The following ENTPD1 variants were observed in gnomAD, a reference collection of about 807,000 sequenced individuals.
The protein encoded by ENTPD1 is ATP diphosphohydrolase.
Under a neutral mutation model 57.0 loss-of-function variants are expected in ENTPD1, and 33 were observed. That is an observed-to-expected ratio of 0.58 (90% confidence interval 0.44 to 0.77). The LOEUF is 0.77. Among genes scored for constraint, ENTPD1 ranks in the 30% least tolerant of loss-of-function variants. The pLI is 0.00. For missense variants in ENTPD1, 501 were observed against 603.4 expected, an observed-to-expected ratio of 0.83 and a Z score of 1.78; for synonymous variants, 202 against 218.8, an observed-to-expected ratio of 0.92 and a Z score of 0.68.
At chr10:95,856,198 T>C (rs1200028716) in intron 7 of ENTPD1, among the ~76,000 whole-genome samples, 1 of 152,114 alleles carries the variant, frequency 6.6e-6, no homozygotes, top group Admixed American at 6.6e-5. Flanking sequence ...CGCTAGACCA[T>C]TCTTAAAAGA....
chr10:95,756,922 T>A (rs934809012), intron 1 of ENTPD1, among the ~76,000 whole-genome samples: 2 of 152,178 alleles, frequency 1.3e-5, no homozygotes, highest in African/African-American at 4.8e-5. Context: ...ACATTTAGAT[T>A]TTGTCTAAAA....
chr10:95,809,563 C>T (rs2098290784), intron 1 of ENTPD1, among the ~76,000 whole-genome samples: 1 of 122,514 alleles, frequency 8.2e-6, no homozygotes, highest in Non-Finnish European at 1.7e-5. Context: ...GGGGCGGATG[C>T]TGGGCAGAGG....
At chr10:95,830,147 A>T (rs1291994265) in intron 2 of ENTPD1, among the ~76,000 whole-genome samples, 2 of 152,232 alleles carry the variant, frequency 1.3e-5, no homozygotes, top group African/African-American at 4.8e-5. Flanking sequence ...ATAGCAACAG[A>T]GAATGGACTA....
Position 95,731,803 on chromosome 10 carries a change from G to A in ENTPD1, c.37+19810G>A, listed in dbSNP as rs1243470172. Among the ~76,000 whole-genome samples the A allele has an allele frequency of 1.9e-3, 28 of 14,376 alleles. 1 individual carries two copies. Among genetic ancestry groups the A allele is most frequent in the South Asian group, 0.019 (10 of 526 alleles). The allele number at this position is 14,376 out of a possible 152,430, so 9.4% of individuals were successfully genotyped here. ...ATCCTTTTTTTTTTTTTTTTTTTTT[G>A]ACAGAGTCTTGCTCTGTCGCCCAGG... is the stretch of plus-strand genomic sequence containing the variant. On this transcript the variant is annotated intron_variant, in intron 1 of 9. Transcript: ENST00000453258.
At chr10:95,763,520 G>T (rs768841595) in intron 1 of ENTPD1, among the ~76,000 whole-genome samples, 18 of 152,256 alleles carry the variant, frequency 1.2e-4, no homozygotes, top group Middle Eastern at 3.4e-3. Context: ...TATGTTTTTA[G>T]GATATAAAAT....
chr10:95,834,922 CA>C (rs61032051), intron 2 of ENTPD1, among the ~76,000 whole-genome samples: 40,230 of 142,562 alleles, frequency 0.28, 6,101 homozygotes, highest in Admixed American at 0.4. Context: ...GACTCCGTCT[CA>C]AAAAAAAAAA....
Position 95,873,093 on chromosome 10 carries a change from G to T in ENTPD1, c.*6710G>T. On this transcript the variant is annotated 3_prime_UTR_variant, in exon 10 of 10. Coordinates refer to ENST00000371205, the MANE Select transcript of ENTPD1 (RefSeq NM_001776.6). ...TTAATATAAATAATTCAGTAGGTCT[G>T]GGGTGAGGCCTGAGGTTTTACATTT... is the stretch of plus-strand genomic sequence containing the variant. 1.1e-6 allele frequency: 1 copy of T among 928,850 alleles called. No homozygotes were observed. Among genetic ancestry groups the T allele is most frequent in the Non-Finnish European group, 1.3e-6 (1 of 778,478 alleles). The allele number at this position is 928,850 out of a possible 1,614,324, so 57.5% of individuals were successfully genotyped here.
Position 95,870,919 on chromosome 10 carries a change from C to CA in ENTPD1, c.*4537dup, listed in dbSNP as rs2098479700. 1 of 985,270 alleles carries CA rather than the reference C, an allele frequency of 1.0e-6. No homozygotes were observed. The allele number at this position is 985,270 out of a possible 1,614,324, so 61.0% of individuals were successfully genotyped here. On this transcript the variant is annotated 3_prime_UTR_variant, in exon 10 of 10. Transcript: ENST00000371205. The stretch of plus-strand genomic sequence containing the variant: ...GCAAGCCAGCTGGGCAGCTCTACTT[C>CA]AGGTGGTAAGGGTGGATCAGACCTA...
the ENTPD1 span, among the ~76,000 whole-genome samples, chr10:95,699,736 A>G: frequency 1.3e-5 from 2 of 152,218 alleles, no homozygotes; most frequent in African/African-American, 4.8e-5. Context: ...AAGACTTAAA[A>G]GGGTATATAT....
chr10:95,726,799 T>G (rs2097984128), intron 1 of ENTPD1, among the ~76,000 whole-genome samples: 1 of 152,158 alleles, frequency 6.6e-6, no homozygotes, highest in African/African-American at 2.4e-5. Context: ...TTCTTGAATT[T>G]TTAGGTGTTT....
At position 95,873,349 on chromosome 10, in the gene ENTPD1, T is replaced by C; in HGVS notation, c.*6966T>C. On this transcript the variant is annotated 3_prime_UTR_variant, in exon 10 of 10. Transcript: ENST00000371205. ...TACAACAATCCAAGTGTTTCTTTTG[T>C]CAGTTGTCTGTGCCCCAGGAGATCC... 1 of 985,566 alleles carries C rather than the reference T, an allele frequency of 1.0e-6. No individual in the cohort carries two copies. The highest frequency in any genetic ancestry group is 1.2e-6 in the Non-Finnish European group (1 of 830,008). The allele number at this position is 985,566 out of a possible 1,614,324, so 61.1% of individuals were successfully genotyped here. A position where few individuals can be genotyped will look rare whatever the true frequency, so the allele number is the denominator to read the frequency against.
the ENTPD1 span, among the ~76,000 whole-genome samples, chr10:95,694,686 G>A: frequency 6.6e-6 from 1 of 151,798 alleles, no homozygotes; most frequent in African/African-American, 2.4e-5. Flanking sequence ...TTTTTTCCCC[G>A]TGTTAATGGC....
chr10:95,710,961 A>G (rs545625603), upstream of ENTPD1, among the ~76,000 whole-genome samples: 141 of 152,164 alleles, frequency 9.3e-4, no homozygotes, highest in African/African-American at 3.2e-3. Context: ...GATCCCAGAA[A>G]ATGGTAGCCA....
Position 95,851,915 on chromosome 10 carries a change from C to T in ENTPD1, c.1074+4209C>T, listed in dbSNP as rs2098445958. ...ACGTGTGCATGTGTCTTTATAGCAGCATGATTTATAATCCTTTGGGTATAT... is the reference window on the plus strand; with the variant it reads ...ACGTGTGCATGTGTCTTTATAGCAGTATGATTTATAATCCTTTGGGTATAT... On this transcript the variant is annotated intron_variant, in intron 7 of 9. Coordinates refer to ENST00000371205, the MANE Select transcript of ENTPD1 (RefSeq NM_001776.6). Among the ~76,000 whole-genome samples the T allele has an allele frequency of 2.0e-5, 3 of 152,098 alleles. No homozygotes were observed. In the South Asian group the frequency reaches 6.2e-4, roughly 32 times the overall value.
At chr10:95,763,680 C>T (rs894518435) in intron 1 of ENTPD1, among the ~76,000 whole-genome samples, 4 of 151,670 alleles carry the variant, frequency 2.6e-5, no homozygotes, top group African/African-American at 7.3e-5. Context: ...ACTTCCAGAA[C>T]TGTAAGAGAA....
intron 1 of ENTPD1, among the ~76,000 whole-genome samples, chr10:95,801,642 T>G (rs1308587493): frequency 6.6e-6 from 1 of 152,090 alleles, no homozygotes; most frequent in South Asian, 2.1e-4. Flanking sequence ...TCTCTGCTTA[T>G]TGTAACCTCT....
At chr10:95,701,802 A>G in the ENTPD1 span, among the ~76,000 whole-genome samples, 2 of 152,110 alleles carry the variant, frequency 1.3e-5, no homozygotes, top group African/African-American at 4.8e-5. Flanking sequence ...CTTGGAAATT[A>G]AGGGAAAAAA....
At chr10:95,832,943 T>C (rs957519773) in intron 2 of ENTPD1, among the ~76,000 whole-genome samples, 2 of 152,228 alleles carry the variant, frequency 1.3e-5, no homozygotes, top group African/African-American at 4.8e-5. Flanking sequence ...TAGCTATTAG[T>C]GTATTATGGT....
chr10:95,741,433 TAAG>T (rs2098000199), intron 1 of ENTPD1, among the ~76,000 whole-genome samples: 1 of 152,180 alleles, frequency 6.6e-6, no homozygotes, highest in Non-Finnish European at 1.5e-5. Flanking sequence ...CAGATCATCA[TAAG>T]AAGTATAATA....
Sources: allele counts gnomAD v4.1 joint callset (sites outside exome capture counted in the v4.1 genomes callset), GRCh38; gene constraint gnomAD v4.1.1; transcripts MANE v1.5; gene names NCBI Gene and HGNC (gene_info 2026-07-23, HGNC 2026-07-21).